Variants in TMTC2 observed in about 807,000 individuals in gnomAD.
TMTC2 encodes transmembrane O-mannosyltransferase targeting cadherins 2.
Under a neutral mutation model 82.4 loss-of-function variants are expected in TMTC2, and 43 were observed. The observed-to-expected ratio is 0.52, with a 90% CI of 0.41 to 0.67. TMTC2 has a LOEUF of 0.67. Among genes scored for constraint, TMTC2 ranks in the 30% least tolerant of loss-of-function variants. The probability of loss-of-function intolerance (pLI) is 0.00; values close to 1 mark genes in which losing one functional copy is unlikely to be tolerated. For synonymous variants in TMTC2, 408 were observed against 381.9 expected (o/e 1.07, Z -0.80); for missense variants, 919 against 1,012.4 (o/e 0.91, Z 1.25).
intron 1 of TMTC2, among the ~76,000 whole-genome samples, chr12:82,804,082 A>C (rs1879135928): frequency 6.6e-6 from 1 of 152,082 alleles, no homozygotes; most frequent in Admixed American, 6.6e-5. Flanking sequence ...TTTCAAAGAA[A>C]ATAGGGTTAA....
chr12:82,868,083 C>T (rs1224026658), intron 2 of TMTC2, among the ~76,000 whole-genome samples: 4 of 152,098 alleles, frequency 2.6e-5, no homozygotes, highest in Admixed American at 6.6e-5. Flanking sequence ...ATAATATCTT[C>T]GCTGTTTTGT....
In TMTC2 at chr12:82,828,319, T is replaced by C. The variant is rs368098804; in HGVS notation, c.84-28691T>C. 1.1e-4 allele frequency among the ~76,000 whole-genome samples: 17 copies of C among 148,202 alleles called. No homozygotes were observed. The East Asian group carries it at 3.0e-3, about 26-fold the overall frequency. On this transcript the variant is annotated intron_variant, in intron 1 of 11. Coordinates refer to ENST00000321196, the MANE Select transcript of TMTC2 (RefSeq NM_152588.3). ...ACCTCTGCCTCCTGGGTTCAAGCAATTATCCTGCCTCATCCTTCCGATTAG... is the reference window on the plus strand; with the variant it reads ...ACCTCTGCCTCCTGGGTTCAAGCAACTATCCTGCCTCATCCTTCCGATTAG...
intron 1 of TMTC2, among the ~76,000 whole-genome samples, chr12:82,824,824 C>T (rs1417028371): frequency 6.6e-6 from 1 of 152,124 alleles, no homozygotes. Flanking sequence ...CACAGTGGCT[C>T]ACGTCTGTAA....
chr12:82,874,418 G>T (rs1349728130), intron 2 of TMTC2, among the ~76,000 whole-genome samples: 2 of 152,048 alleles, frequency 1.3e-5, no homozygotes, highest in Non-Finnish European at 2.9e-5. Context: ...GCCATTTTTG[G>T]GTAAAATCAT....
At chr12:82,923,109 C>T (rs1682596) in intron 3 of TMTC2, among the ~76,000 whole-genome samples, 1 of 152,128 alleles carries the variant, frequency 6.6e-6, no homozygotes, top group East Asian at 1.9e-4. Flanking sequence ...GGCCACACTG[C>T]CACCAGCTGT....
intron 1 of TMTC2, among the ~76,000 whole-genome samples, chr12:82,802,879 T>A (rs1338686036): frequency 2.0e-5 from 3 of 152,178 alleles, no homozygotes; most frequent in Admixed American, 6.5e-5. Context: ...TACTTAGAGA[T>A]GCTCCGGCGA....
chr12:82,803,451 A>G (rs886512163), intron 1 of TMTC2, among the ~76,000 whole-genome samples: 1 of 152,140 alleles, frequency 6.6e-6, no homozygotes, highest in East Asian at 1.9e-4. Context: ...GATGGGTCAC[A>G]GTTGTTACAT....
intron 9 of TMTC2, among the ~76,000 whole-genome samples, chr12:83,049,617 A>G (rs1455455068): frequency 6.6e-6 from 1 of 152,202 alleles, no homozygotes; most frequent in East Asian, 1.9e-4. Flanking sequence ...ACTGTTAACA[A>G]TAAACATATA....
intron 8 of TMTC2, among the ~76,000 whole-genome samples, chr12:82,998,935 T>G (rs1173554420): frequency 2.0e-5 from 3 of 152,166 alleles, no homozygotes; most frequent in African/African-American, 7.2e-5. Flanking sequence ...ATTACAGAAT[T>G]GAAGTTAGTA....
chr12:82,924,463 G>T (rs991286335), intron 3 of TMTC2, among the ~76,000 whole-genome samples: 5 of 152,160 alleles, frequency 3.3e-5, no homozygotes, highest in Non-Finnish European at 7.4e-5. Context: ...TGATCTCAGA[G>T]TAACCTTGTC....
intron 1 of TMTC2, among the ~76,000 whole-genome samples, chr12:82,725,400 T>C (rs1202343360): frequency 2.0e-5 from 3 of 152,212 alleles, no homozygotes; most frequent in Admixed American, 1.3e-4. Context: ...CAGGTCACTT[T>C]AGAAAATTGA....
At chr12:83,047,123 G>A (rs760864756) in intron 9 of TMTC2, among the ~76,000 whole-genome samples, 2 of 152,174 alleles carry the variant, frequency 1.3e-5, no homozygotes, top group South Asian at 2.1e-4. Context: ...GCAAGTTCCA[G>A]ACAAAGATGG....
intron 1 of TMTC2, among the ~76,000 whole-genome samples, chr12:82,818,458 G>A: frequency 6.6e-6 from 1 of 152,094 alleles, no homozygotes; most frequent in East Asian, 1.9e-4. Flanking sequence ...CTCTTTCCAT[G>A]CACTTGACCA....
rs1205140332 is a variant in TMTC2, at chr12:82,870,331, T to C, written c.654+12751T>C. ...GATTTCAGCTCACATTCAAATGGAATGTTTGCTTCTGCAAATAACACAAGC... is the reference window on the plus strand; with the variant it reads ...GATTTCAGCTCACATTCAAATGGAACGTTTGCTTCTGCAAATAACACAAGC... On this transcript the variant is annotated intron_variant, in intron 2 of 11. Transcript: ENST00000321196. Among the ~76,000 whole-genome samples the C allele has an allele frequency of 2.6e-5, 4 of 152,336 alleles. No individual in the cohort carries two copies. In the East Asian group the frequency reaches 7.7e-4, roughly 29 times the overall value.
At chr12:82,821,655 G>C (rs990255201) in intron 1 of TMTC2, among the ~76,000 whole-genome samples, 11 of 152,120 alleles carry the variant, frequency 7.2e-5, no homozygotes, top group Non-Finnish European at 1.3e-4. Context: ...GATGGATCAT[G>C]AGGTCAGGAG....
chr12:82,910,398 A>G (rs569839619), intron 3 of TMTC2, among the ~76,000 whole-genome samples: 1 of 150,722 alleles, frequency 6.6e-6, no homozygotes, highest in African/African-American at 2.5e-5. Flanking sequence ...CCCAGGCTCC[A>G]ACCCCACGGC....
At chr12:82,773,462 C>CTTT (rs1156750613) in intron 1 of TMTC2, among the ~76,000 whole-genome samples, 1 of 129,832 alleles carries the variant, frequency 7.7e-6, no homozygotes, top group Admixed American at 7.6e-5. Flanking sequence ...AGTGATATTT[C>CTTT]TTTTTTTTTT....
At chr12:82,968,225 C>CT (rs1238132824) in intron 7 of TMTC2, among the ~76,000 whole-genome samples, 4 of 152,040 alleles carry the variant, frequency 2.6e-5, no homozygotes, top group Non-Finnish European at 5.9e-5. Flanking sequence ...TTAATTGTCA[C>CT]TTTTTTCCTC....
intron 1 of TMTC2, among the ~76,000 whole-genome samples, chr12:82,731,689 A>G (rs1257336008): frequency 6.6e-6 from 1 of 152,212 alleles, no homozygotes. Context: ...AGCAAAAGCA[A>G]TGTCTTCAAT....
Sources: gnomAD v4.1 joint callset for allele counts (sites outside exome capture counted in the v4.1 genomes callset) on GRCh38, gnomAD v4.1.1 for gene constraint, MANE v1.5 for transcripts, NCBI Gene and HGNC (gene_info 2026-07-23, HGNC 2026-07-21) for gene names.